WWP2: variants seen among roughly 807,000 people sequenced by gnomAD.
WWP2 encodes WW domain containing E3 ubiquitin protein ligase 2.
In WWP2, 57 loss-of-function variants were observed where a neutral mutation model predicts 121.0. The observed-to-expected ratio is 0.47, with a 90% CI of 0.38 to 0.59. The LOEUF (loss-of-function observed/expected upper bound fraction) is 0.59, where lower values mean the gene tolerates loss of function less well. Ranked by LOEUF, WWP2 falls within the 20% of genes least tolerant of loss-of-function variation. WWP2 has a pLI of 0.00. For synonymous variants in WWP2, 449 were observed against 441.3 expected (o/e 1.02, Z -0.22); for missense variants, 962 against 1,158.9 (o/e 0.83, Z 2.47).
intron 7 of WWP2, among the ~76,000 whole-genome samples, chr16:69,877,631 T>A (rs1040629658): frequency 6.6e-6 from 1 of 152,054 alleles, no homozygotes; most frequent in Non-Finnish European, 1.5e-5. Context: ...CCCACCTTCC[T>A]TATCACTAAA....
chr16:69,886,484 G>A (rs954321828), intron 7 of WWP2, among the ~76,000 whole-genome samples: 1 of 151,714 alleles, frequency 6.6e-6, no homozygotes, highest in Non-Finnish European at 1.5e-5. Context: ...TCTGGGCCAG[G>A]TGCCCTGGCT....
rs563898422 is a variant in WWP2 at position 69,886,202 on chromosome 16, C to T, written c.704-1837C>T. Among the ~76,000 whole-genome samples the T allele has an allele frequency of 3.9e-5, 6 of 152,322 alleles. No homozygotes were observed. In the East Asian group the frequency reaches 1.2e-3, roughly 29 times the overall value. ...AGCTCCAGTGATTCTCCCTCAGTCT[C>T]CTGAGTAGCTGGGACCACAGGTGGG... On this transcript the variant is annotated intron_variant, in intron 7 of 23. Coordinates refer to ENST00000359154, the MANE Select transcript of WWP2 (RefSeq NM_001270454.2).
intron 1 of WWP2, among the ~76,000 whole-genome samples, chr16:69,782,128 C>T (rs1304101973): frequency 6.6e-6 from 1 of 151,992 alleles, no homozygotes; most frequent in East Asian, 1.9e-4. Context: ...ACTAAAAATA[C>T]AGAAATTAGC....
chr16:69,764,926 A>G (rs986757219), intron 1 of WWP2, among the ~76,000 whole-genome samples: 2 of 152,252 alleles, frequency 1.3e-5, no homozygotes, highest in African/African-American at 4.8e-5. Flanking sequence ...ATAGTTGGTC[A>G]GACATGGTGG....
In WWP2 at chr16:69,908,864, TG is replaced by T. The variant is rs748541805; in HGVS notation, c.1004+15del. 1 of 1,614,010 alleles carries T rather than the reference TG, an allele frequency of 6.2e-7. No individual in the cohort carries two copies. The highest frequency in any genetic ancestry group is 8.5e-7 in the Non-Finnish European group (1 of 1,180,008). ...CCTTCCTCCAGGGTAGGTCATCAAC[TG>T]AGAAGACCTGAGACTCTGGAACTGA... On this transcript the variant is annotated intron_variant, in intron 9 of 23. Transcript: ENST00000359154.
chr16:69,766,157 A>G (rs945099877), intron 1 of WWP2, among the ~76,000 whole-genome samples: 5 of 152,080 alleles, frequency 3.3e-5, no homozygotes, highest in African/African-American at 4.8e-5. Context: ...ATCTCAGTTA[A>G]TGACAACTCC....
At chr16:69,787,666 T>C (rs1408340145) in intron 2 of WWP2, among the ~76,000 whole-genome samples, 1 of 152,230 alleles carries the variant, frequency 6.6e-6, no homozygotes, top group East Asian at 1.9e-4. Flanking sequence ...CTACCTGCAC[T>C]CGCTCCCTAG....
intron 7 of WWP2, among the ~76,000 whole-genome samples, chr16:69,881,463 C>G (rs1230841325): frequency 6.6e-6 from 1 of 152,104 alleles, no homozygotes; most frequent in African/African-American, 2.4e-5. Flanking sequence ...GATCTTGGAA[C>G]AGAAATAAAA....
At chr16:69,764,776 T>C (rs1412241745) in intron 1 of WWP2, among the ~76,000 whole-genome samples, 1 of 152,218 alleles carries the variant, frequency 6.6e-6, no homozygotes, top group African/African-American at 2.4e-5. Flanking sequence ...ATAAAATACA[T>C]TCTGGATTTT....
intron 4 of WWP2, among the ~76,000 whole-genome samples, chr16:69,836,430 TCATGTGAAG>T (rs1303706563): frequency 1.3e-5 from 2 of 152,136 alleles, no homozygotes; most frequent in African/African-American, 4.8e-5. Context: ...TCCCCCTCTT[TCATGTGAAG>T]CATGTGGCAT....
chr16:69,822,782 T>C (rs1391776555), intron 4 of WWP2, among the ~76,000 whole-genome samples: 5 of 152,060 alleles, frequency 3.3e-5, no homozygotes, highest in East Asian at 1.9e-4. Context: ...TGCTGTCCAA[T>C]AGAAACAGAA....
chr16:69,883,937 T>C (rs2057876321), intron 7 of WWP2, among the ~76,000 whole-genome samples: 1 of 152,192 alleles, frequency 6.6e-6, no homozygotes, highest in African/African-American at 2.4e-5. Flanking sequence ...TTTGTTCTTT[T>C]CGTGGTCAGC....
At chr16:69,830,640 G>A (rs941256115) in intron 4 of WWP2, among the ~76,000 whole-genome samples, 1 of 152,128 alleles carries the variant, frequency 6.6e-6, no homozygotes, top group Non-Finnish European at 1.5e-5. Context: ...TTGGGGGGCC[G>A]CGGGGAGGTG....
chr16:69,836,052 C>T (rs1171684013), intron 4 of WWP2, among the ~76,000 whole-genome samples: 1 of 152,128 alleles, frequency 6.6e-6, no homozygotes, highest in Non-Finnish European at 1.5e-5. Flanking sequence ...ATCCACCCAC[C>T]TCGGCCTCCC....
At position 69,787,018 on chromosome 16, in the gene WWP2, C is replaced by T. The variant is rs1453271755; in HGVS notation, c.8C>T (p.Ser3Phe). Reference sequence around the variant, plus strand: ...CAGCTTCACGGTGATGATATGGCATCTGCCAGCTCTAGCCGGGCAGGAGTG... The same window carrying T: ...CAGCTTCACGGTGATGATATGGCATTTGCCAGCTCTAGCCGGGCAGGAGTG... MA[S>F]ASSSRAGVAL... The change falls in exon 2 of 24, where the codon TCT becomes TTT. Residue 3 changes from serine to phenylalanine, a missense_variant. Coordinates refer to ENST00000359154, the MANE Select transcript of WWP2 (RefSeq NM_001270454.2). 6.2e-7 allele frequency: 1 copy of T among 1,612,124 alleles called. No homozygotes were observed. The highest frequency in any genetic ancestry group is 8.5e-7 in the Non-Finnish European group (1 of 1,179,324).
intron 6 of WWP2, among the ~76,000 whole-genome samples, chr16:69,843,950 C>T (rs145373247): frequency 2.0e-5 from 3 of 152,136 alleles, no homozygotes; most frequent in South Asian, 4.1e-4. Context: ...AGCCAATACC[C>T]GCAGCATCTT....
intron 8 of WWP2, among the ~76,000 whole-genome samples, chr16:69,889,360 GGAT>G (rs771131242): frequency 2.0e-5 from 3 of 152,142 alleles, no homozygotes; most frequent in Non-Finnish European, 2.9e-5. Context: ...CAAAGACCTT[GGAT>G]GATAAGAAGA....
At chr16:69,885,773 C>A (rs1004157413) in intron 7 of WWP2, among the ~76,000 whole-genome samples, 1 of 152,126 alleles carries the variant, frequency 6.6e-6, no homozygotes, top group Non-Finnish European at 1.5e-5. Flanking sequence ...GTGGGGATAT[C>A]AATTGTAACT....
In WWP2 at chr16:69,931,565, A is replaced by G; in HGVS notation, c.1578A>G (p.Glu526=). 1 of 1,613,988 alleles carries G rather than the reference A, an allele frequency of 6.2e-7. No individual in the cohort carries two copies. Among genetic ancestry groups the G allele is most frequent in the Non-Finnish European group, 8.5e-7 (1 of 1,180,002 alleles). The change falls in exon 15 of 24, where the codon GAA becomes GAG. Residue 526 remains glutamate, a synonymous_variant. Transcript: ENST00000359154. The part of the protein sequence containing the change: ...KISVSRQTLF[E]DSFQQIMNMK... ...GCGTTTCCAGGCAGACGCTTTTCGA[A>G]GATTCCTTCCAACAGGTTAGATCAT...
Sources: allele counts gnomAD v4.1 joint callset (sites outside exome capture counted in the v4.1 genomes callset), GRCh38; gene constraint gnomAD v4.1.1; transcripts MANE v1.5; gene names NCBI Gene and HGNC (gene_info 2026-07-23, HGNC 2026-07-21).